SCAPER: variants seen among roughly 807,000 people sequenced by gnomAD.
SCAPER encodes S phase cyclin A-associated protein in the endoplasmic reticulum.
A neutral mutation model predicts 182.2 loss-of-function variants in SCAPER; 98 were observed. The observed-to-expected ratio is 0.54, with a 90% confidence interval of 0.46 to 0.64. The LOEUF (loss-of-function observed/expected upper bound fraction) is 0.64. Among genes scored for constraint, SCAPER ranks in the 30% least tolerant of loss-of-function variants. The pLI is 0.00. For synonymous variants in SCAPER, 605 were observed against 564.6 expected (o/e 1.07, Z -1.01); for missense variants, 1,432 against 1,690.0 (o/e 0.85, Z 2.68).
chr15:76,711,725 T>C (rs1037844322), intron 17 of SCAPER, among the ~76,000 whole-genome samples: 1 of 152,234 alleles, frequency 6.6e-6, no homozygotes, highest in Non-Finnish European at 1.5e-5. Flanking sequence ...TTTGGCCGCA[T>C]AAATGTCTTC....
chr15:76,441,813 A>AT (rs1178736547), intron 25 of SCAPER, among the ~76,000 whole-genome samples: 2 of 152,124 alleles, frequency 1.3e-5, no homozygotes, highest in Non-Finnish European at 2.9e-5. Context: ...CATACTGTAC[A>AT]TTATTTCCTC....
Position 76,701,526 on chromosome 15 carries a change from T to C in SCAPER, c.2508+232A>G, listed in dbSNP as rs2304920. The stretch of plus-strand genomic sequence containing the variant: ...ATCAATATACCATAACATTTCCTTA[T>C]ACTGAAATTATGTAAATAACAGCAT... On this transcript the variant is annotated intron_variant, in intron 20 of 31. Transcript: ENST00000563290. 0.38 allele frequency among the ~76,000 whole-genome samples: 57,887 copies of C among 152,140 alleles called. 13,071 individuals carry two copies. Among genetic ancestry groups the C allele is most frequent in the Middle Eastern group, 0.53 (155 of 294 alleles).
In SCAPER at chr15:76,572,940, C is replaced by CACACAT. The variant is rs1435829661; in HGVS notation, c.2838+1217_2838+1218insATGTGT. Among the ~76,000 whole-genome samples the CACACAT allele has an allele frequency of 3.4e-3, 517 of 151,554 alleles. 4 individuals carry two copies. Among genetic ancestry groups the CACACAT allele is most frequent in the African/African-American group, 0.012 (483 of 41,126 alleles). On this transcript the variant is annotated intron_variant, in intron 23 of 31. Transcript: ENST00000563290. The stretch of plus-strand genomic sequence containing the variant: ...TCTCTCACACACACACACACACACA[C>CACACAT]ACACAGAGAAATGTCCACTGTCAGA...
intron 24 of SCAPER, among the ~76,000 whole-genome samples, chr15:76,495,938 T>C (rs1214267717): frequency 6.6e-6 from 1 of 151,498 alleles, no homozygotes; most frequent in Non-Finnish European, 1.5e-5. Context: ...AGTTCTGAGC[T>C]GTATTATGCT....
At chr15:76,898,217 C>G (rs2074540923) in intron 1 of SCAPER, among the ~76,000 whole-genome samples, 2 of 152,078 alleles carry the variant, frequency 1.3e-5, no homozygotes, top group Admixed American at 1.3e-4. Context: ...TAACTTCGTA[C>G]CCACCAAGAT....
chr15:76,886,147 A>T (rs149165486), intron 1 of SCAPER, among the ~76,000 whole-genome samples: 2 of 152,162 alleles, frequency 1.3e-5, no homozygotes, highest in Non-Finnish European at 2.9e-5. Flanking sequence ...ATTTATATAA[A>T]TTTTTTAAAA....
At chr15:76,739,294 A>G (rs1489844195) in intron 15 of SCAPER, among the ~76,000 whole-genome samples, 1 of 152,228 alleles carries the variant, frequency 6.6e-6, no homozygotes. Flanking sequence ...TAGAAGATTC[A>G]TTCTTACCAC....
At chr15:76,826,883 C>T (rs1018645212) in intron 5 of SCAPER, among the ~76,000 whole-genome samples, 3 of 152,146 alleles carry the variant, frequency 2.0e-5, no homozygotes, top group Admixed American at 1.3e-4. Context: ...AGTTTTACAG[C>T]TTCCCATCAG....
intron 23 of SCAPER, among the ~76,000 whole-genome samples, chr15:76,509,416 A>C (rs1296711392): frequency 6.6e-6 from 1 of 152,168 alleles, no homozygotes; most frequent in East Asian, 1.9e-4. Flanking sequence ...GTATTACAGC[A>C]ACCTCCTAAT....
chr15:76,381,718 C>A, intron 27 of SCAPER, 103 bp from the exon 28 acceptor site: 1 of 915,054 alleles, frequency 1.1e-6, no homozygotes, highest in Non-Finnish European at 1.7e-6. Context: ...AAAAACAAAC[C>A]ATCTGAGTTG....
intron 23 of SCAPER, among the ~76,000 whole-genome samples, chr15:76,543,157 G>C (rs1280585148): frequency 5.9e-5 from 9 of 152,110 alleles, no homozygotes; most frequent in Non-Finnish European, 1.3e-4. Flanking sequence ...AATGCATTGA[G>C]TGTCAACAAA....
chr15:76,858,969 A>G (rs2071641445), intron 3 of SCAPER, among the ~76,000 whole-genome samples: 1 of 152,188 alleles, frequency 6.6e-6, no homozygotes, highest in Non-Finnish European at 1.5e-5. Context: ...AACAATTTAT[A>G]TTCTTTGAGT....
chr15:76,610,695 C>CA (rs1294465771), intron 22 of SCAPER, among the ~76,000 whole-genome samples: 1 of 151,804 alleles, frequency 6.6e-6, no homozygotes, highest in African/African-American at 2.4e-5. Context: ...ACAAGAAAAA[C>CA]AAAAAATTAC....
At position 76,582,381 on chromosome 15, in the gene SCAPER, G is replaced by C. The variant is rs193154851; in HGVS notation, c.2712-8097C>G. ...AGCTTCAAATAAAATGAAATACCTAGAAATTAACCAAAGAAATAAATGATC... is the reference window on the plus strand; with the variant it reads ...AGCTTCAAATAAAATGAAATACCTACAAATTAACCAAAGAAATAAATGATC... On this transcript the variant is annotated intron_variant, in intron 22 of 31. Coordinates refer to ENST00000563290, the MANE Select transcript of SCAPER (RefSeq NM_020843.4). Among the ~76,000 whole-genome samples the C allele has an allele frequency of 3.0e-3, 462 of 152,046 alleles. 5 individuals carry two copies. The highest frequency in any genetic ancestry group is 1.6e-3 in the Non-Finnish European group (112 of 67,936).
At chr15:76,560,680 G>T (rs2046547561) in intron 23 of SCAPER, among the ~76,000 whole-genome samples, 1 of 152,076 alleles carries the variant, frequency 6.6e-6, no homozygotes, top group African/African-American at 2.4e-5. Context: ...CCTGGGAATG[G>T]AATAGAAAAT....
intron 8 of SCAPER, among the ~76,000 whole-genome samples, chr15:76,787,663 T>C (rs753924100): frequency 3.9e-5 from 6 of 151,978 alleles, no homozygotes; most frequent in South Asian, 4.1e-4. Context: ...TGGACATCCA[T>C]AGGCAAAAAA....
intron 21 of SCAPER, 99 bp downstream of exon 21, chr15:76,665,554 G>A: frequency 2.2e-6 from 3 of 1,371,386 alleles, no homozygotes; most frequent in Non-Finnish European, 2.9e-6. Flanking sequence ...AGGCTTTCAT[G>A]AAGCAAACAA....
intron 29 of SCAPER, among the ~76,000 whole-genome samples, chr15:76,355,086 A>G (rs1222423548): frequency 2.0e-5 from 3 of 152,266 alleles, no homozygotes; most frequent in Non-Finnish European, 1.5e-5. Context: ...ACAGGACTAC[A>G]TTCAAATTAA....
intron 18 of SCAPER, among the ~76,000 whole-genome samples, chr15:76,705,529 C>T (rs2059213741): frequency 6.7e-6 from 1 of 150,192 alleles, no homozygotes; most frequent in South Asian, 2.1e-4. Context: ...GCACATGTAC[C>T]CTAAAACTTA....
Sources: gnomAD v4.1 joint callset for allele counts (sites outside exome capture counted in the v4.1 genomes callset) on GRCh38, gnomAD v4.1.1 for gene constraint, MANE v1.5 for transcripts, NCBI Gene and HGNC (gene_info 2026-07-23, HGNC 2026-07-21) for gene names.